EYA1: variants seen among roughly 807,000 people sequenced by gnomAD.
The protein encoded by EYA1 is EYA transcriptional coactivator and phosphatase 1, also known as protein phosphatase EYA1.
EYA1 carries 16 observed loss-of-function variants against 82.0 expected under a neutral mutation model. The observed-to-expected ratio is 0.20, with a 90% CI of 0.13 to 0.30. The LOEUF (loss-of-function observed/expected upper bound fraction) is 0.30. EYA1 is among the 10% of genes least tolerant of loss of function. EYA1 has a pLI of 1.00. For synonymous variants in EYA1, 261 were observed against 264.4 expected (o/e 0.99, Z 0.12); for missense variants, 633 against 730.7 (o/e 0.87, Z 1.54).
chr8:71,346,434 A>ATATATATATATATATATATATATATATC (rs1563507396), intron 3 of EYA1, among the ~76,000 whole-genome samples: 1 of 129,556 alleles, frequency 7.7e-6, no homozygotes, highest in African/African-American at 3.3e-5. Flanking sequence ...TGCAGTGAAT[A>ATATATATATATATATATATATATATATC]TATATATATA....
chr8:71,269,226 A>C (rs2128947142), intron 11 of EYA1, among the ~76,000 whole-genome samples: 1 of 152,334 alleles, frequency 6.6e-6, no homozygotes, highest in African/African-American at 2.4e-5. Flanking sequence ...ACATGGTCCC[A>C]CTGCCTTTCA....
intron 4 of EYA1, among the ~76,000 whole-genome samples, chr8:71,333,004 C>T (rs371903519): frequency 3.3e-5 from 5 of 152,172 alleles, no homozygotes; most frequent in African/African-American, 9.7e-5. Flanking sequence ...TAGGTCCCTT[C>T]GTGGGTGTTC....
At chr8:71,355,597 G>GA in intron 2 of EYA1, among the ~76,000 whole-genome samples, 1 of 152,274 alleles carries the variant, frequency 6.6e-6, no homozygotes, top group African/African-American at 2.4e-5. Context: ...GTGCCCAGTT[G>GA]AAAAAGGATA....
intron 1 of EYA1, among the ~76,000 whole-genome samples, chr8:71,543,295 G>T (rs1815295437): frequency 6.6e-6 from 1 of 152,172 alleles, no homozygotes; most frequent in African/African-American, 2.4e-5. Flanking sequence ...CTGGAGCAGA[G>T]GTTGGGGGGT....
chr8:71,527,227 A>G (rs960113367), intron 2 of EYA1, among the ~76,000 whole-genome samples: 1 of 152,220 alleles, frequency 6.6e-6, no homozygotes, highest in Non-Finnish European at 1.5e-5. Flanking sequence ...CTATGGAACT[A>G]GATCACCAAA....
chr8:71,478,414 C>CAAACAGAGAGGTAAA (rs558184264), intron 2 of EYA1, among the ~76,000 whole-genome samples: 38 of 152,132 alleles, frequency 2.5e-4, no homozygotes, highest in Non-Finnish European at 5.0e-4. Context: ...CCCATCTATA[C>CAAACAGAGAGGTAAA]AAACAGAGAG....
chr8:71,292,251 T>C (rs1474392203), intron 9 of EYA1, among the ~76,000 whole-genome samples: 1 of 152,100 alleles, frequency 6.6e-6, no homozygotes, highest in Non-Finnish European at 1.5e-5. Context: ...GGCTAGGGGA[T>C]GATAAAATGC....
At chr8:71,368,637 T>A (rs920466664) in intron 2 of EYA1, among the ~76,000 whole-genome samples, 3 of 152,340 alleles carry the variant, frequency 2.0e-5, no homozygotes, top group Admixed American at 1.3e-4. Flanking sequence ...GCAGACTTTA[T>A]GCATTTTAAA....
chr8:71,546,954 G>A (rs1815663485), intron 1 of EYA1, among the ~76,000 whole-genome samples: 1 of 152,252 alleles, frequency 6.6e-6, no homozygotes, highest in African/African-American at 2.4e-5. Flanking sequence ...AAAGTCTGGT[G>A]GGCCTTAATT....
At chr8:71,417,187 C>A (rs1046568086) in intron 2 of EYA1, among the ~76,000 whole-genome samples, 4 of 152,162 alleles carry the variant, frequency 2.6e-5, no homozygotes, top group African/African-American at 9.7e-5. Context: ...GGGACCTCAC[C>A]TTGTGATCAT....
intron 17 of EYA1, among the ~76,000 whole-genome samples, chr8:71,206,271 T>C (rs1271351544): frequency 6.6e-6 from 1 of 151,844 alleles, no homozygotes; most frequent in Non-Finnish European, 1.5e-5. Context: ...CAGGCTGGAG[T>C]GCAGTGGTGC....
intron 7 of EYA1, among the ~76,000 whole-genome samples, chr8:71,304,237 C>T (rs965943800): frequency 1.4e-5 from 2 of 142,140 alleles, no homozygotes; most frequent in Admixed American, 7.0e-5. Context: ...TAGAACTCAC[C>T]GATTCCTCAC....
chr8:71,331,000 G>A (rs1470991693), intron 4 of EYA1, among the ~76,000 whole-genome samples: 1 of 151,970 alleles, frequency 6.6e-6, no homozygotes, highest in African/African-American at 2.4e-5. Context: ...GGAGGCCGAG[G>A]CGAGTGGATT....
At chr8:71,216,926 TA>T in intron 13 of EYA1, 38 bp downstream of exon 13, 1 of 1,611,360 alleles carries the variant, frequency 6.2e-7, no homozygotes, top group Non-Finnish European at 8.5e-7. Context: ...AATTAAACTA[TA>T]AAAGGGAGAT....
At chr8:71,363,013 T>G (rs894347166), upstream of EYA1, among the ~76,000 whole-genome samples, 2 of 152,220 alleles carry the variant, frequency 1.3e-5, no homozygotes, top group African/African-American at 4.8e-5. Flanking sequence ...AAATGTTTAT[T>G]TTGATACTAG....
chr8:71,361,783 G>C lies in EYA1; in HGVS notation c.-191C>G, dbSNP rs55694100. On this transcript the variant is annotated 5_prime_UTR_variant, in exon 1 of 18. Coordinates refer to ENST00000340726, the MANE Select transcript of EYA1 (RefSeq NM_000503.6). ...TCTCAGGCGCTCTGGTGCAGCCGCG[G>C]CGCTTCTGGGAGTGGAGCGCCTCTG... 8.3e-3 allele frequency: 8,169 copies of C among 985,488 alleles called. 66 individuals are homozygous for C. Among genetic ancestry groups the C allele is most frequent in the South Asian group, 0.038 (813 of 21,288 alleles). The allele number at this position is 985,488 out of a possible 1,614,324, so 61.0% of individuals were successfully genotyped here. A position where few individuals can be genotyped will look rare whatever the true frequency, so the allele number is the denominator to read the frequency against.
intron 2 of EYA1, among the ~76,000 whole-genome samples, chr8:71,463,431 A>T (rs886148721): frequency 1.3e-5 from 2 of 152,236 alleles, no homozygotes; most frequent in African/African-American, 4.8e-5. Flanking sequence ...CCCCAGTGAA[A>T]TGCTGAAGAA....
chr8:71,211,876 G>A (rs1028256249), intron 16 of EYA1, among the ~76,000 whole-genome samples: 4 of 152,176 alleles, frequency 2.6e-5, no homozygotes, highest in African/African-American at 9.7e-5. Flanking sequence ...TTGAGGTAGT[G>A]CAGCAAGATG....
At chr8:71,300,577 T>G (rs1390292058) in intron 7 of EYA1, among the ~76,000 whole-genome samples, 1 of 152,148 alleles carries the variant, frequency 6.6e-6, no homozygotes, top group Admixed American at 6.6e-5. Context: ...TGGCTTATGA[T>G]TGAGAAATTT....
Sources: allele counts gnomAD v4.1 joint callset (sites outside exome capture counted in the v4.1 genomes callset), GRCh38; gene constraint gnomAD v4.1.1; transcripts MANE v1.5; gene names NCBI Gene and HGNC (gene_info 2026-07-23, HGNC 2026-07-21).